The following PRKAR2B variants were observed in gnomAD, a reference collection of about 807,000 sequenced individuals.
PRKAR2B encodes protein kinase cAMP-dependent type II regulatory subunit beta.
PRKAR2B carries 14 observed loss-of-function variants against 49.9 expected under a neutral mutation model. That is an observed-to-expected ratio of 0.28 (90% CI 0.19 to 0.44). The LOEUF is 0.44. Among genes scored for constraint, PRKAR2B ranks in the 20% least tolerant of loss-of-function variants. The pLI, the probability that PRKAR2B is intolerant of heterozygous loss-of-function variation, is 1.00. For missense variants in PRKAR2B, 393 were observed against 537.9 expected (o/e 0.73, Z 2.67); for synonymous variants, 196 against 197.7 (o/e 0.99, Z 0.07).
intron 2 of PRKAR2B, among the ~76,000 whole-genome samples, chr7:107,074,163 T>C (rs1456536121): frequency 3.9e-5 from 6 of 152,182 alleles, no homozygotes; most frequent in Admixed American, 3.9e-4. Flanking sequence ...TTGCCCAGGC[T>C]GGAGTGCAGT....
intron 2 of PRKAR2B, among the ~76,000 whole-genome samples, chr7:107,111,647 G>C (rs1373131424): frequency 6.6e-6 from 1 of 152,070 alleles, no homozygotes; most frequent in Non-Finnish European, 1.5e-5. Flanking sequence ...TGACTACATA[G>C]ATATCAGTAG....
chr7:107,159,423 TA>T (rs752370386), intron 10 of PRKAR2B, 25 bp from the exon 11 acceptor site: 31 of 1,604,412 alleles, frequency 1.9e-5, no homozygotes, highest in East Asian at 4.5e-5. Context: ...GAATGTTATT[TA>T]AAAAAAAATC....
In PRKAR2B at chr7:107,159,678, G is replaced by T. The variant is rs1205906474; in HGVS notation, c.*96G>T. On this transcript the variant is annotated 3_prime_UTR_variant, in exon 11 of 11. Transcript: ENST00000265717. ...TGTGTAGATGCCAAGCATTTTCTGTGATTTCAGGTTTTTTCCTTTTTTTAC... is the reference window on the plus strand; with the variant it reads ...TGTGTAGATGCCAAGCATTTTCTGTTATTTCAGGTTTTTTCCTTTTTTTAC... 4 of 1,372,452 alleles carry T rather than the reference G, an allele frequency of 2.9e-6. No individual in the cohort carries two copies. The African/African-American group carries it at 5.8e-5, about 20-fold the overall frequency. The allele number at this position is 1,372,452 out of a possible 1,614,324, so 85.0% of individuals were successfully genotyped here. A position where few individuals can be genotyped will look rare whatever the true frequency, so the allele number is the denominator to read the frequency against.
chr7:107,141,970 A>G (rs1381238065), intron 5 of PRKAR2B, among the ~76,000 whole-genome samples: 1 of 152,214 alleles, frequency 6.6e-6, no homozygotes, highest in African/African-American at 2.4e-5. Context: ...CAATAGATGA[A>G]TCCTGAAATC....
At chr7:107,075,589 A>G (rs1794381217) in intron 2 of PRKAR2B, among the ~76,000 whole-genome samples, 1 of 152,002 alleles carries the variant, frequency 6.6e-6, no homozygotes, top group African/African-American at 2.4e-5. Flanking sequence ...TTATAGAGAC[A>G]GGGTTTCGCC....
At chr7:107,141,035 TTAA>T (rs1795782189) in intron 5 of PRKAR2B, 82 bp downstream of exon 5, 1 of 987,946 alleles carries the variant, frequency 1.0e-6, no homozygotes, top group South Asian at 1.4e-5. Context: ...AACTGACAGG[TTAA>T]TATAGGATAG....
intron 2 of PRKAR2B, among the ~76,000 whole-genome samples, chr7:107,103,462 T>A (rs1304217430): frequency 6.6e-6 from 1 of 152,098 alleles, no homozygotes; most frequent in Non-Finnish European, 1.5e-5. Context: ...TACACACAAA[T>A]ACAGCCCCTG....
intron 6 of PRKAR2B, 55 bp downstream of exon 6, chr7:107,146,516 C>T (rs1443054752): frequency 5.9e-5 from 91 of 1,538,598 alleles, no homozygotes; most frequent in East Asian, 1.6e-4. Context: ...ATTGCTATGA[C>T]GGTGTTACAA....
chr7:107,099,447 C>G (rs758876636), intron 2 of PRKAR2B, among the ~76,000 whole-genome samples: 9 of 152,140 alleles, frequency 5.9e-5, no homozygotes, highest in Admixed American at 3.3e-4. Flanking sequence ...TGGGAATTCC[C>G]TGACCCCTTG....
At chr7:107,058,012 C>G (rs1793948903) in intron 1 of PRKAR2B, among the ~76,000 whole-genome samples, 1 of 151,546 alleles carries the variant, frequency 6.6e-6, no homozygotes, top group African/African-American at 2.4e-5. Context: ...CTTATGTCCT[C>G]CTTTAATTCC....
chr7:107,053,531 T>A (rs1043823716), intron 1 of PRKAR2B, among the ~76,000 whole-genome samples: 45 of 126,762 alleles, frequency 3.5e-4, no homozygotes, highest in Non-Finnish European at 5.9e-4. Flanking sequence ...AAAGAGTGTG[T>A]GTGTGTGTGT....
At chr7:107,106,978 C>A (rs1207046194) in intron 2 of PRKAR2B, among the ~76,000 whole-genome samples, 1 of 152,100 alleles carries the variant, frequency 6.6e-6, no homozygotes, top group African/African-American at 2.4e-5. Context: ...ACATAAGGGG[C>A]CTCTCCTCAT....
rs751065451 is a variant in PRKAR2B, at chr7:107,140,988, A to G, written c.587+35A>G. The G allele has an allele frequency of 3.4e-6, 5 of 1,480,702 alleles. No homozygotes were observed. In the Admixed American group the frequency reaches 7.0e-5, roughly 21 times the overall value. The allele number at this position is 1,480,702 out of a possible 1,614,324, so 91.7% of individuals were successfully genotyped here. On this transcript the variant is annotated intron_variant, in intron 5 of 10. Transcript: ENST00000265717. ...GCCCAACCTTACTATTGAAATTGAA[A>G]GAACCTTTTGTGTAAAATCTCAACC...
At chr7:107,049,685 C>T (rs949295391) in intron 1 of PRKAR2B, among the ~76,000 whole-genome samples, 1 of 151,764 alleles carries the variant, frequency 6.6e-6, no homozygotes, top group East Asian at 1.9e-4. Context: ...CACTTCTTGG[C>T]GAGGTGAAGC....
intron 2 of PRKAR2B, among the ~76,000 whole-genome samples, chr7:107,096,339 C>T (rs181729188): frequency 0.011 from 1,714 of 152,142 alleles, 22 homozygotes; most frequent in Admixed American, 0.03. Flanking sequence ...TCTGTGGGAT[C>T]GGTGGTGATA....
At chr7:107,094,844 T>A (rs923981864) in intron 2 of PRKAR2B, among the ~76,000 whole-genome samples, 5 of 152,212 alleles carry the variant, frequency 3.3e-5, no homozygotes, top group Admixed American at 2.0e-4. Flanking sequence ...TTCTGAGGGC[T>A]CTGTTCTGTT....
intron 3 of PRKAR2B, among the ~76,000 whole-genome samples, chr7:107,126,087 T>TAAAAAAA (rs34333619): frequency 1.1e-3 from 91 of 82,264 alleles, no homozygotes; most frequent in African/African-American, 4.5e-3. Flanking sequence ...GACTGTGTCT[T>TAAAAAAA]AAAAAAAAAA....
intron 10 of PRKAR2B, among the ~76,000 whole-genome samples, chr7:107,159,099 A>G (rs1796148934): frequency 6.6e-6 from 1 of 152,178 alleles, no homozygotes; most frequent in Non-Finnish European, 1.5e-5. Flanking sequence ...GCCACCCTTG[A>G]GGAGTTCACA....
intron 3 of PRKAR2B, among the ~76,000 whole-genome samples, chr7:107,126,511 G>T (rs1446745943): frequency 6.6e-6 from 1 of 151,824 alleles, no homozygotes; most frequent in African/African-American, 2.4e-5. Flanking sequence ...CTGTGTGAAG[G>T]CTTATAGGAA....
Sources: gnomAD v4.1 joint callset for allele counts (sites outside exome capture counted in the v4.1 genomes callset) on GRCh38, gnomAD v4.1.1 for gene constraint, MANE v1.5 for transcripts, NCBI Gene and HGNC (gene_info 2026-07-23, HGNC 2026-07-21) for gene names.